Variants in CSMD3 observed in about 807,000 individuals in gnomAD.
CSMD3 encodes CUB and sushi domain-containing protein 3.
In CSMD3, 177 loss-of-function variants were observed where a neutral mutation model predicts 435.2. The observed-to-expected ratio is 0.41, with a 90% CI of 0.36 to 0.46. The LOEUF (loss-of-function observed/expected upper bound fraction) is 0.46, where lower values mean the gene tolerates loss of function less well. Ranked by LOEUF, CSMD3 falls within the 20% of genes least tolerant of loss-of-function variation. The pLI is 0.34. For synonymous variants in CSMD3, 1,656 were observed against 1,520.5 expected (o/e 1.09, Z -2.07); for missense variants, 4,265 against 4,504.6 (o/e 0.95, Z 1.52).
intron 9 of CSMD3, among the ~76,000 whole-genome samples, chr8:112,925,519 C>A (rs140346351): frequency 6.6e-6 from 1 of 151,310 alleles, no homozygotes; most frequent in Non-Finnish European, 1.5e-5. Flanking sequence ...GCTGAGATCG[C>A]GCTACTGCAC....
chr8:112,487,580 A>T (rs567137631), intron 31 of CSMD3, among the ~76,000 whole-genome samples: 2 of 152,188 alleles, frequency 1.3e-5, no homozygotes, highest in Non-Finnish European at 2.9e-5. Context: ...TTGAGTAAAT[A>T]TGATATAATC....
At chr8:113,340,832 G>T (rs192979518) in intron 1 of CSMD3, among the ~76,000 whole-genome samples, 2 of 150,310 alleles carry the variant, frequency 1.3e-5, no homozygotes, top group East Asian at 2.0e-4. Context: ...TTGTGCCACT[G>T]CACTCCAGCG....
chr8:112,486,885 T>C (rs1820191659), intron 31 of CSMD3, among the ~76,000 whole-genome samples: 2 of 152,162 alleles, frequency 1.3e-5, no homozygotes, highest in Admixed American at 1.3e-4. Flanking sequence ...TTATCCCCAA[T>C]TTTAAATGCA....
intron 20 of CSMD3, among the ~76,000 whole-genome samples, chr8:112,639,781 T>C (rs1435534077): frequency 1.3e-5 from 2 of 152,146 alleles, no homozygotes; most frequent in Non-Finnish European, 2.9e-5. Context: ...TGGTGATGTA[T>C]AGTATGGCAT....
At chr8:113,242,426 C>T (rs1388574474) in intron 3 of CSMD3, among the ~76,000 whole-genome samples, 6 of 151,942 alleles carry the variant, frequency 3.9e-5, no homozygotes, top group Non-Finnish European at 8.8e-5. Context: ...TGATAACACA[C>T]AACTACTCAC....
chr8:112,385,815 A>G (rs913345506), intron 36 of CSMD3, among the ~76,000 whole-genome samples: 1 of 152,174 alleles, frequency 6.6e-6, no homozygotes, highest in Non-Finnish European at 1.5e-5. Context: ...CATCTCCAAG[A>G]AAATCTATTG....
chr8:112,603,092 G>A (rs1243137036), intron 22 of CSMD3, among the ~76,000 whole-genome samples: 1 of 152,148 alleles, frequency 6.6e-6, no homozygotes, highest in African/African-American at 2.4e-5. Flanking sequence ...TGGCCAGGCT[G>A]GTCTCGAACT....
chr8:113,269,587 G>A (rs567933432), intron 3 of CSMD3, among the ~76,000 whole-genome samples: 54 of 152,160 alleles, frequency 3.5e-4, no homozygotes, highest in South Asian at 2.1e-3. Context: ...AACCAAAACA[G>A]CATGGTACTG....
rs537179973 is a variant in CSMD3, at chr8:112,531,377, C to T, written c.4565-14152G>A. ...TCAATAAACATCAGCAGCAGTCAGG[C>T]CATGATTATGGGCATTGGGTGAGCC... is the stretch of plus-strand genomic sequence containing the variant. On this transcript the variant is annotated intron_variant, in intron 27 of 70. Coordinates refer to ENST00000297405, the MANE Select transcript of CSMD3 (RefSeq NM_198123.2). Among the ~76,000 whole-genome samples the T allele has an allele frequency of 1.6e-4, 25 of 151,992 alleles. No individual in the cohort carries two copies. In the South Asian group the frequency reaches 4.8e-3, roughly 29 times the overall value.
intron 4 of CSMD3, among the ~76,000 whole-genome samples, chr8:113,118,963 A>G (rs1324519781): frequency 6.6e-6 from 1 of 152,156 alleles, no homozygotes; most frequent in African/African-American, 2.4e-5. Context: ...CTGCTACAAA[A>G]TAAGAGTAGT....
chr8:112,951,221 C>T lies in CSMD3; in HGVS notation c.1421-3344G>A, dbSNP rs187729351. On this transcript the variant is annotated intron_variant, in intron 8 of 70. Coordinates refer to ENST00000297405, the MANE Select transcript of CSMD3 (RefSeq NM_198123.2). ...AAGTTAGTATTCATTCAGTCATCTG[C>T]TTTCATTTCACAGTGCCATTGATGC... Among the ~76,000 whole-genome samples the T allele has an allele frequency of 7.9e-4, 120 of 151,954 alleles. 1 individual carries two copies. Among genetic ancestry groups the T allele is most frequent in the Middle Eastern group, 3.4e-3 (1 of 294 alleles).
Position 112,863,919 on chromosome 8 carries a change from A to G in CSMD3, c.1634-4653T>C, listed in dbSNP as rs145315342. Among the ~76,000 whole-genome samples, 791 of 152,256 alleles carry G rather than the reference A, an allele frequency of 5.2e-3. 15 individuals are homozygous for G. The highest frequency in any genetic ancestry group is 0.018 in the African/African-American group (763 of 41,574). ...ATGAATGTATGAAATCAAAGCAAGT[A>G]TTGGGTTATAAATTAAATATGACAA... On this transcript the variant is annotated intron_variant, in intron 10 of 70. Transcript: ENST00000297405.
Position 113,113,962 on chromosome 8 carries a change from A to G in CSMD3, c.710-14999T>C, listed in dbSNP as rs577121225. On this transcript the variant is annotated intron_variant, in intron 4 of 70. Transcript: ENST00000297405. ...CATAAATTGCAGAATCATCATATAC[A>G]TGGAGGACAATTGAAATCAATAAAG... 2.6e-5 allele frequency among the ~76,000 whole-genome samples: 4 copies of G among 152,312 alleles called. No homozygotes were observed. The East Asian group carries it at 7.7e-4, about 29-fold the overall frequency.
At chr8:113,156,298 ATAACT>A (rs1253520573) in intron 4 of CSMD3, among the ~76,000 whole-genome samples, 1 of 152,090 alleles carries the variant, frequency 6.6e-6, no homozygotes, top group Non-Finnish European at 1.5e-5. Context: ...ATCATATGGA[ATAACT>A]TAATACTTCT....
intron 24 of CSMD3, among the ~76,000 whole-genome samples, chr8:112,564,921 T>C (rs2131266411): frequency 6.6e-6 from 1 of 152,256 alleles, no homozygotes; most frequent in African/African-American, 2.4e-5. Flanking sequence ...TTTAAAGTTT[T>C]GATATTTACA....
intron 4 of CSMD3, among the ~76,000 whole-genome samples, chr8:113,149,811 A>G (rs2091763995): frequency 6.6e-6 from 1 of 151,978 alleles, no homozygotes; most frequent in Non-Finnish European, 1.5e-5. Context: ...CTGTGAAGCC[A>G]TCTGTGAGCT....
At chr8:112,653,909 T>G (rs1042549935) in intron 18 of CSMD3, among the ~76,000 whole-genome samples, 1 of 152,050 alleles carries the variant, frequency 6.6e-6, no homozygotes, top group African/African-American at 2.4e-5. Context: ...CTGCCTGCCT[T>G]GGCCTCCCAA....
At chr8:112,703,062 TG>T (rs1793188764) in intron 13 of CSMD3, among the ~76,000 whole-genome samples, 1 of 152,196 alleles carries the variant, frequency 6.6e-6, no homozygotes, top group South Asian at 2.1e-4. Flanking sequence ...AGCATCCTAC[TG>T]GTACTTGATT....
intron 27 of CSMD3, among the ~76,000 whole-genome samples, chr8:112,543,624 G>T (rs1826885492): frequency 6.6e-6 from 1 of 152,028 alleles, no homozygotes; most frequent in Non-Finnish European, 1.5e-5. Flanking sequence ...ACATGCTATT[G>T]GTGGGAACGC....
Sources: allele counts gnomAD v4.1 joint callset (sites outside exome capture counted in the v4.1 genomes callset), GRCh38; gene constraint gnomAD v4.1.1; transcripts MANE v1.5; gene names NCBI Gene and HGNC (gene_info 2026-07-23, HGNC 2026-07-21).